Variants in INPP5B observed in about 807,000 individuals in gnomAD.
The protein encoded by INPP5B is inositol polyphosphate-5-phosphatase B.
A neutral mutation model predicts 118.5 loss-of-function variants in INPP5B; 90 were observed. That is an observed-to-expected ratio of 0.76 (90% CI 0.64 to 0.90). The LOEUF is 0.90. Ranked by LOEUF, INPP5B falls within the 40% of genes least tolerant of loss-of-function variation. INPP5B has a pLI of 0.00. For missense variants in INPP5B, 984 were observed against 1,125.6 expected, an observed-to-expected ratio of 0.87 and a Z score of 1.80; for synonymous variants, 385 against 418.9, an observed-to-expected ratio of 0.92 and a Z score of 0.99.
chr1:37,908,863 T>C (rs1309931364), intron 7 of INPP5B, among the ~76,000 whole-genome samples: 3 of 152,180 alleles, frequency 2.0e-5, no homozygotes, highest in African/African-American at 4.8e-5. Flanking sequence ...CACTTCTCCA[T>C]GTCTCTACCT....
chr1:37,864,042 T>A (rs1234511596), intron 23 of INPP5B, among the ~76,000 whole-genome samples: 1 of 152,014 alleles, frequency 6.6e-6, no homozygotes, highest in Non-Finnish European at 1.5e-5. Flanking sequence ...CTTGAACTCC[T>A]GACCTCAGGT....
rs1314749811 is a variant in INPP5B at position 37,883,851 on chromosome 1, C to T, written c.1320-933G>A. On this transcript the variant is annotated intron_variant, in intron 13 of 23. Coordinates refer to ENST00000373024, the MANE Select transcript of INPP5B (RefSeq NM_005540.3). Reference sequence around the variant, plus strand: ...TTTACTCCTTGGCAGATATCACGGCCCCAGTGGCTTCTTCCTCTTTATAAA... The same window carrying T: ...TTTACTCCTTGGCAGATATCACGGCTCCAGTGGCTTCTTCCTCTTTATAAA... 4.1e-6 allele frequency: 4 copies of T among 985,250 alleles called. No individual in the cohort carries two copies. The African/African-American group carries it at 7.0e-5, about 17-fold the overall frequency. 61.0% of individuals were successfully genotyped at this position (985,250 alleles called of 1,614,324 possible). A position where few individuals can be genotyped will look rare whatever the true frequency, so the allele number is the denominator to read the frequency against.
Position 37,875,714 on chromosome 1 carries a change from C to G in INPP5B, c.1680G>C (p.Val560=). The change falls in exon 17 of 24, where the codon GTG becomes GTC. Residue 560 remains valine (V), a splice_region_variant and synonymous_variant. Transcript: ENST00000373024. The part of the protein sequence containing the change: ...KPVSSVFDIG[V]RVVNDELYRK... ...GGTAAAGCTCGTCATTTACGACCCT[C>G]ACCTGAAAGGGAAACATCAGAGACT... 3 of 1,611,940 alleles carry G rather than the reference C, an allele frequency of 1.9e-6. No individual in the cohort carries two copies. The highest frequency in any genetic ancestry group is 2.5e-6 in the Non-Finnish European group (3 of 1,177,988).
intron 7 of INPP5B, chr1:37,929,905 T>C (rs567935593): frequency 9.2e-5 from 14 of 152,180 alleles, no homozygotes; most frequent in Non-Finnish European, 1.9e-4. Flanking sequence ...ATCTAATTTT[T>C]GTATTTTTAG....
chr1:37,868,517 C>A lies in INPP5B; in HGVS notation c.2285G>T (p.Arg762Leu), dbSNP rs761903907. The change falls in exon 20 of 24, where the codon CGA (arginine) becomes CTA (leucine). Residue 762 changes from arginine to leucine, a missense_variant. Arg to Leu is a moderately radical substitution (Grantham distance 102). Coordinates refer to ENST00000373024, the MANE Select transcript of INPP5B (RefSeq NM_005540.3). ...ELWMMVDYLY[R>L]NAVQQEDLFQ... ...ACAACCTACCTGCTGGACAGCATTT[C>A]GGTACAGGTAATCAACCATCATCCA... The A allele has an allele frequency of 3.1e-6, 5 of 1,612,748 alleles. No homozygotes were observed. In the African/African-American group the frequency reaches 5.3e-5, roughly 17 times the overall value.
chr1:37,935,023 C>A (rs1645631293), intron 6 of INPP5B, among the ~76,000 whole-genome samples: 1 of 150,828 alleles, frequency 6.6e-6, no homozygotes, highest in Non-Finnish European at 1.5e-5. Context: ...CACGGTGAAA[C>A]CCCGTCTCTA....
At chr1:37,879,028 CA>C (rs879576969) in intron 15 of INPP5B, among the ~76,000 whole-genome samples, 35,408 of 150,860 alleles carry the variant, frequency 0.23, 4,726 homozygotes, top group Non-Finnish European at 0.29. Flanking sequence ...GAGGCCAAGG[CA>C]GGGGGATCAT....
chr1:37,943,537 C>A (rs1646010056), intron 5 of INPP5B, 103 bp downstream of exon 5: 2 of 1,254,438 alleles, frequency 1.6e-6, no homozygotes, highest in South Asian at 2.7e-5. Flanking sequence ...TTACTTGCTG[C>A]AATAAGTTTA....
chr1:37,938,187 T>G (rs1185288566), intron 6 of INPP5B, among the ~76,000 whole-genome samples: 1 of 151,844 alleles, frequency 6.6e-6, no homozygotes, highest in Non-Finnish European at 1.5e-5. Context: ...GAGAATCACT[T>G]GAACCCAGGA....
rs771770585 is a variant in INPP5B, at chr1:37,945,720, T to C, written c.152+36A>G. The C allele has an allele frequency of 5.3e-6, 8 of 1,518,876 alleles. No individual in the cohort carries two copies. In the Admixed American group the frequency reaches 1.2e-4, roughly 23 times the overall value. 94.1% of individuals were successfully genotyped at this position (1,518,876 alleles called of 1,614,324 possible). A position where few individuals can be genotyped will look rare whatever the true frequency, so the allele number is the denominator to read the frequency against. On this transcript the variant is annotated intron_variant, in intron 3 of 23. Coordinates refer to ENST00000373024, the MANE Select transcript of INPP5B (RefSeq NM_005540.3). ...GAGGGTGCAGTGATGAACAACCCCA[T>C]GGCCCAGACAGGTGGGGACCAAGCC...
Position 37,885,710 on chromosome 1 carries a change from T to G in INPP5B, c.1247A>C (p.Lys416Thr), listed in dbSNP as rs1643489181. 2 of 1,614,204 alleles carry G rather than the reference T, an allele frequency of 1.2e-6. No individual in the cohort carries two copies. Among genetic ancestry groups the G allele is most frequent in the Non-Finnish European group, 1.7e-6 (2 of 1,180,026 alleles). ...AAACTGCATTCGAGAACAAATGTCC[T>G]TATAGTCCTGGTTCCTCCTCTCATA... ...EEYERRNQDY[K>T]DICSRMQFCQ... The change falls in exon 13 of 24, where the codon AAG (lysine) becomes ACG (threonine). Residue 416 changes from lysine to threonine, a missense_variant. Physicochemically the swap from Lys to Thr is moderately conservative, Grantham distance 78 (BLOSUM62 -1). Transcript: ENST00000373024.
At chr1:37,927,907 A>G (rs538265031) in intron 7 of INPP5B, among the ~76,000 whole-genome samples, 1 of 152,318 alleles carries the variant, frequency 6.6e-6, no homozygotes, top group African/African-American at 2.4e-5. Flanking sequence ...AAATCAAAGA[A>G]AAGAAAGGAC....
At chr1:37,942,554 C>T (rs781527471) in intron 5 of INPP5B, among the ~76,000 whole-genome samples, 29 of 152,108 alleles carry the variant, frequency 1.9e-4, no homozygotes, top group Non-Finnish European at 3.8e-4. Flanking sequence ...GCAAAGCAGA[C>T]AGACATTAAA....
At chr1:37,942,911 A>AAGAGAG (rs376627170) in intron 5 of INPP5B, among the ~76,000 whole-genome samples, 2 of 147,010 alleles carry the variant, frequency 1.4e-5, no homozygotes, top group Non-Finnish European at 3.0e-5. Context: ...TCTGTCAAGA[A>AAGAGAG]AGAGAGAGAG....
intron 16 of INPP5B, among the ~76,000 whole-genome samples, 192 bp from the exon 17 acceptor site, chr1:37,875,908 T>A (rs1557631109): frequency 6.6e-6 from 1 of 152,198 alleles, no homozygotes; most frequent in Non-Finnish European, 1.5e-5. Flanking sequence ...AAGCTTGTGG[T>A]ACAGGCATCT....
chr1:37,913,037 C>G (rs1289649483), intron 7 of INPP5B, among the ~76,000 whole-genome samples: 1 of 151,590 alleles, frequency 6.6e-6, no homozygotes, highest in Non-Finnish European at 1.5e-5. Flanking sequence ...GTGGGCAGAT[C>G]ACGAGGTCAG....
intron 6 of INPP5B, among the ~76,000 whole-genome samples, chr1:37,936,495 C>T (rs1296311181): frequency 6.6e-6 from 1 of 152,044 alleles, no homozygotes; most frequent in African/African-American, 2.4e-5. Context: ...TTGGCAGGCA[C>T]CTGTAGTCCC....
At chr1:37,937,909 A>G (rs1162701170) in intron 6 of INPP5B, among the ~76,000 whole-genome samples, 2 of 150,906 alleles carry the variant, frequency 1.3e-5, no homozygotes, top group Non-Finnish European at 3.0e-5. Flanking sequence ...CGGAGGTTGT[A>G]GTAAGCCAAG....
chr1:37,946,880 CG>C, intron 1 of INPP5B, 109 bp downstream of exon 1: 1 of 153,418 alleles, frequency 6.5e-6, no homozygotes, highest in Non-Finnish European at 1.4e-5. Flanking sequence ...AGCTGCAGGC[CG>C]GGGGTTGGGG....
Sources: allele counts gnomAD v4.1 joint callset (sites outside exome capture counted in the v4.1 genomes callset), GRCh38; gene constraint gnomAD v4.1.1; transcripts MANE v1.5; gene names NCBI Gene and HGNC (gene_info 2026-07-23, HGNC 2026-07-21).